ZC2HC1B: variants seen among roughly 807,000 people sequenced by gnomAD.
ZC2HC1B encodes zinc finger C2HC-type containing 1B.
ZC2HC1B carries 36 observed loss-of-function variants against 31.0 expected under a neutral mutation model. That is an observed-to-expected ratio of 1.16 (90% CI 0.89 to 1.54). The LOEUF (loss-of-function observed/expected upper bound fraction) is 1.54, where lower values mean the gene tolerates loss of function less well. ZC2HC1B is among the 40% of genes most tolerant of loss of function. The pLI, the probability that ZC2HC1B is intolerant of heterozygous loss-of-function variation, is 0.00. For missense variants in ZC2HC1B, 260 were observed against 268.6 expected, an observed-to-expected ratio of 0.97 and a Z score of 0.22; for synonymous variants, 73 against 88.0, an observed-to-expected ratio of 0.83 and a Z score of 0.95.
rs754471196 is a variant in ZC2HC1B, at chr6:143,933,134, G to A, written c.599-4515G>A. ...CTTGAATGCTGGTTATGCTAGCAGCGAAGTTGTCATGTGGACAGACTCGGG... is the reference window on the plus strand; with the variant it reads ...CTTGAATGCTGGTTATGCTAGCAGCAAAGTTGTCATGTGGACAGACTCGGG... On this transcript the variant is annotated intron_variant, in intron 6 of 7. Transcript: ENST00000237275. The surrounding 1 kb of genome is among the most constrained non-coding windows in gnomAD (Gnocchi z 6.4). Among the ~76,000 whole-genome samples, 11 of 152,228 alleles carry A rather than the reference G, an allele frequency of 7.2e-5. No homozygotes were observed. Among genetic ancestry groups the A allele is most frequent in the East Asian group, 1.9e-4 (1 of 5,198 alleles).
chr6:143,933,808 C>T lies in ZC2HC1B; in HGVS notation c.599-3841C>T, dbSNP rs537767087. On this transcript the variant is annotated intron_variant, in intron 6 of 7. Coordinates refer to ENST00000237275, the MANE Select transcript of ZC2HC1B (RefSeq NM_001013623.3). The surrounding 1 kb of genome is among the most constrained non-coding windows in gnomAD (Gnocchi z 6.4). Reference sequence around the variant, plus strand: ...GCCACACCTTTGCCAATCTGCCACACTGTCAGCCGCATCTCCACTGTGCTT... The same window carrying T: ...GCCACACCTTTGCCAATCTGCCACATTGTCAGCCGCATCTCCACTGTGCTT... Among the ~76,000 whole-genome samples, 94 of 152,354 alleles carry T rather than the reference C, an allele frequency of 6.2e-4. No homozygotes were observed. Among genetic ancestry groups the T allele is most frequent in the African/African-American group, 2.1e-3 (89 of 41,588 alleles).
At chr6:143,929,155 C>G (rs1231893581) in intron 6 of ZC2HC1B, among the ~76,000 whole-genome samples, 2 of 152,074 alleles carry the variant, frequency 1.3e-5, no homozygotes, top group African/African-American at 2.4e-5. Context: ...CATGGACATA[C>G]TTGTCTTGTT....
In ZC2HC1B at chr6:143,934,498, A is replaced by G. The variant is rs1214443595; in HGVS notation, c.599-3151A>G. ...CTGGAGAATTGTATTCCTTTGGAGGAGTCATATTTTCTTGCATTTTTATGT... is the reference window on the plus strand; with the variant it reads ...CTGGAGAATTGTATTCCTTTGGAGGGGTCATATTTTCTTGCATTTTTATGT... On this transcript the variant is annotated intron_variant, in intron 6 of 7. Coordinates refer to ENST00000237275, the MANE Select transcript of ZC2HC1B (RefSeq NM_001013623.3). This position sits in a 1 kb window ranked among gnomAD's most constrained non-coding sequence, Gnocchi z 4.6. Among the ~76,000 whole-genome samples, 1 of 151,994 alleles carries G rather than the reference A, an allele frequency of 6.6e-6. No individual in the cohort carries two copies. Among genetic ancestry groups the G allele is most frequent in the East Asian group, 1.9e-4 (1 of 5,186 alleles).
rs1665220001 is a variant in ZC2HC1B, at chr6:143,869,983, G to T, written c.28+5416G>T. On this transcript the variant is annotated intron_variant, in intron 1 of 7. Transcript: ENST00000237275. This position sits in a 1 kb window ranked among gnomAD's most constrained non-coding sequence, Gnocchi z 5.2. Reference sequence around the variant, plus strand: ...TCCTCCTCTGCTGAGGTCACCAGTTGGTGAGCATTCACATGGGATACAAAT... The same window carrying T: ...TCCTCCTCTGCTGAGGTCACCAGTTTGTGAGCATTCACATGGGATACAAAT... 6.6e-6 allele frequency among the ~76,000 whole-genome samples: 1 copy of T among 152,156 alleles called. No individual in the cohort carries two copies. Among genetic ancestry groups the T allele is most frequent in the South Asian group, 2.1e-4 (1 of 4,832 alleles).
rs778534275 is a variant in ZC2HC1B, at chr6:143,905,896, A to T, written c.598+2744A>T. On this transcript the variant is annotated intron_variant, in intron 6 of 7. Transcript: ENST00000237275. The surrounding 1 kb of genome is among the most constrained non-coding windows in gnomAD (Gnocchi z 4.2). The stretch of plus-strand genomic sequence containing the variant: ...GTTGAACCATCCCTGTATCCCAGGA[A>T]CAAATCTCACATGGTCATGGTGTAT... 5.9e-5 allele frequency among the ~76,000 whole-genome samples: 9 copies of T among 152,188 alleles called. No individual in the cohort carries two copies. The highest frequency in any genetic ancestry group is 8.8e-5 in the Non-Finnish European group (6 of 68,036).
chr6:143,886,155 C>G lies in ZC2HC1B; in HGVS notation c.210+4C>G. On this transcript the variant is annotated splice_donor_region_variant and intron_variant, in intron 3 of 7. Transcript: ENST00000237275. This position sits in a 1 kb window ranked among gnomAD's most constrained non-coding sequence, Gnocchi z 4.2. Reference sequence around the variant, plus strand: ...GAAGAAGACTCCACAATCCAAGGTACTCCTGATATCTTCTTTAGTGTTTGT... The same window carrying G: ...GAAGAAGACTCCACAATCCAAGGTAGTCCTGATATCTTCTTTAGTGTTTGT... 6.6e-7 allele frequency: 1 copy of G among 1,525,224 alleles called. No individual in the cohort carries two copies. The highest frequency in any genetic ancestry group is 8.8e-7 in the Non-Finnish European group (1 of 1,139,038). 94.5% of individuals were successfully genotyped at this position (1,525,224 alleles called of 1,614,324 possible).
Position 143,872,082 on chromosome 6 carries a change from GT to G in ZC2HC1B, c.28+7517del, listed in dbSNP as rs1387257232. 2.6e-5 allele frequency among the ~76,000 whole-genome samples: 4 copies of G among 152,274 alleles called. No homozygotes were observed. The highest frequency in any genetic ancestry group is 9.6e-5 in the African/African-American group (4 of 41,540). The stretch of plus-strand genomic sequence containing the variant: ...TCATTTCCTTTTTCCCCAATGCATA[GT>G]TACCCTGGTACAAGGCCAGAGGTCT... On this transcript the variant is annotated intron_variant, in intron 1 of 7. Transcript: ENST00000237275. This position sits in a 1 kb window ranked among gnomAD's most constrained non-coding sequence, Gnocchi z 5.5.
At chr6:143,935,861 A>T (rs1168066688) in intron 6 of ZC2HC1B, among the ~76,000 whole-genome samples, 3 of 151,808 alleles carry the variant, frequency 2.0e-5, no homozygotes, top group Admixed American at 2.0e-4. Flanking sequence ...TGTTTCCCAG[A>T]CTGGTCTTGA....
At position 143,872,684 on chromosome 6, in the gene ZC2HC1B, C is replaced by T. The variant is rs1268135869; in HGVS notation, c.28+8117C>T. Among the ~76,000 whole-genome samples, 1 of 152,156 alleles carries T rather than the reference C, an allele frequency of 6.6e-6. No homozygotes were observed. The highest frequency in any genetic ancestry group is 6.6e-5 in the Admixed American group (1 of 15,262). The stretch of plus-strand genomic sequence containing the variant: ...TCATGGCAGAAGGCAAAAGGCACTA[C>T]TTACATGGTGGCAGCAAGAGAAAAT... On this transcript the variant is annotated intron_variant, in intron 1 of 7. Coordinates refer to ENST00000237275, the MANE Select transcript of ZC2HC1B (RefSeq NM_001013623.3). This position sits in a 1 kb window ranked among gnomAD's most constrained non-coding sequence, Gnocchi z 5.5.
intron 6 of ZC2HC1B, among the ~76,000 whole-genome samples, chr6:143,925,993 A>G (rs572840155): frequency 6.6e-6 from 1 of 151,736 alleles, no homozygotes; most frequent in Admixed American, 6.6e-5. Flanking sequence ...GATTTTGCTA[A>G]TTCACATCCT....
rs1348962322 is a variant in ZC2HC1B, at chr6:143,871,374, A to G, written c.28+6807A>G. Among the ~76,000 whole-genome samples the G allele has an allele frequency of 6.6e-6, 1 of 152,232 alleles. No individual in the cohort carries two copies. Among genetic ancestry groups the G allele is most frequent in the Non-Finnish European group, 1.5e-5 (1 of 68,046 alleles). On this transcript the variant is annotated intron_variant, in intron 1 of 7. Transcript: ENST00000237275. This position sits in a 1 kb window ranked among gnomAD's most constrained non-coding sequence, Gnocchi z 4.1. Reference sequence around the variant, plus strand: ...ACCTCTGAGGTAGAACAGTAAAGGTATATTGCTGGCCTTGCCAGCTGAAGG... The same window carrying G: ...ACCTCTGAGGTAGAACAGTAAAGGTGTATTGCTGGCCTTGCCAGCTGAAGG...
chr6:143,877,439 C>T (rs1018791265), intron 1 of ZC2HC1B, among the ~76,000 whole-genome samples: 2 of 148,780 alleles, frequency 1.3e-5, no homozygotes, highest in African/African-American at 2.5e-5. Context: ...TGTACCACCA[C>T]GCCTGGCTAA....
intron 6 of ZC2HC1B, among the ~76,000 whole-genome samples, chr6:143,920,680 G>A (rs1777976199): frequency 1.3e-5 from 2 of 152,088 alleles, no homozygotes; most frequent in Admixed American, 1.3e-4. Context: ...GGAGGCCTAG[G>A]CAGGCAGATC....
intron 6 of ZC2HC1B, among the ~76,000 whole-genome samples, chr6:143,912,422 A>G (rs1188243152): frequency 6.6e-6 from 1 of 151,714 alleles, no homozygotes; most frequent in Non-Finnish European, 1.5e-5. Flanking sequence ...GATTTTTTAC[A>G]TTGCTGATTT....
At chr6:143,891,838 G>C (rs1038514699) in intron 4 of ZC2HC1B, among the ~76,000 whole-genome samples, 11 of 152,086 alleles carry the variant, frequency 7.2e-5, no homozygotes, top group African/African-American at 2.7e-4. Flanking sequence ...CTGATGTCAA[G>C]ACTTATTATA....
rs1049932682 is a variant in ZC2HC1B at position 143,871,854 on chromosome 6, T to C, written c.28+7287T>C. Among the ~76,000 whole-genome samples the C allele has an allele frequency of 4.6e-5, 7 of 152,194 alleles. No homozygotes were observed. Among genetic ancestry groups the C allele is most frequent in the African/African-American group, 7.2e-5 (3 of 41,450 alleles). ...GCTGCTAAGTATGTCTATGCCAATTTTGCATTCTGGCACTGGGGAAATGAC... is the reference window on the plus strand; with the variant it reads ...GCTGCTAAGTATGTCTATGCCAATTCTGCATTCTGGCACTGGGGAAATGAC... On this transcript the variant is annotated intron_variant, in intron 1 of 7. Transcript: ENST00000237275. This position sits in a 1 kb window ranked among gnomAD's most constrained non-coding sequence, Gnocchi z 4.1.
chr6:143,897,919 C>T (rs943509654), intron 4 of ZC2HC1B, among the ~76,000 whole-genome samples: 1 of 152,198 alleles, frequency 6.6e-6, no homozygotes, highest in Non-Finnish European at 1.5e-5. Context: ...GATTCTAGAA[C>T]TACTTTCTTT....
intron 4 of ZC2HC1B, among the ~76,000 whole-genome samples, chr6:143,892,630 G>A (rs1296046159): frequency 6.6e-6 from 1 of 152,104 alleles, no homozygotes; most frequent in Non-Finnish European, 1.5e-5. Flanking sequence ...TATGATGGGA[G>A]CTAATAGAGC....
chr6:143,872,281 CTT>C lies in ZC2HC1B; in HGVS notation c.28+7717_28+7718del, dbSNP rs1433252077. On this transcript the variant is annotated intron_variant, in intron 1 of 7. Coordinates refer to ENST00000237275, the MANE Select transcript of ZC2HC1B (RefSeq NM_001013623.3). The surrounding 1 kb of genome is among the most constrained non-coding windows in gnomAD (Gnocchi z 5.5). ...CTCTGTTTTTATAATTCAGATTAGTCTTTTGTCCATTTGACCTAGAAGTTTTC... is the reference window on the plus strand; with the variant it reads ...CTCTGTTTTTATAATTCAGATTAGTCTTGTCCATTTGACCTAGAAGTTTTC... 6.6e-6 allele frequency among the ~76,000 whole-genome samples: 1 copy of C among 152,152 alleles called. No individual in the cohort carries two copies. Among genetic ancestry groups the C allele is most frequent in the Non-Finnish European group, 1.5e-5 (1 of 68,022 alleles).
Sources: gnomAD v4.1 joint callset for allele counts (sites outside exome capture counted in the v4.1 genomes callset) on GRCh38, gnomAD v4.1.1 for gene constraint, Gnocchi (gnomAD v3.1) non-coding constraint, MANE v1.5 for transcripts, NCBI Gene and HGNC (gene_info 2026-07-23, HGNC 2026-07-21) for gene names.